The following PARD3B variants were observed in gnomAD, a reference collection of about 807,000 sequenced individuals.
PARD3B encodes the protein par-3 family cell polarity regulator beta.
Under a neutral mutation model 130.2 loss-of-function variants are expected in PARD3B, and 103 were observed. The ratio of observed to expected loss-of-function variants is 0.79; its 90% CI spans 0.67 to 0.93. PARD3B has a LOEUF of 0.93. Among genes scored for constraint, PARD3B ranks in the 40% least tolerant of loss-of-function variants. The probability of loss-of-function intolerance (pLI) is 0.00; values close to 1 mark genes in which losing one functional copy is unlikely to be tolerated. For synonymous variants in PARD3B, 583 were observed against 553.2 expected (o/e 1.05, Z -0.76); for missense variants, 1,609 against 1,499.2 (o/e 1.07, Z -1.21).
At chr2:205,489,776 C>T (rs866882729) in intron 20 of PARD3B, among the ~76,000 whole-genome samples, 3 of 152,128 alleles carry the variant, frequency 2.0e-5, no homozygotes, top group South Asian at 2.1e-4. Context: ...TAAATAATAA[C>T]TGGCATGTTG....
chr2:205,608,161 T>C (rs2055085695), intron 22 of PARD3B, among the ~76,000 whole-genome samples: 1 of 152,096 alleles, frequency 6.6e-6, no homozygotes, highest in Non-Finnish European at 1.5e-5. Flanking sequence ...GCCCCTAGAG[T>C]GTTCTGTCTC....
At chr2:204,756,247 T>G (rs569794176) in intron 2 of PARD3B, among the ~76,000 whole-genome samples, 37 of 152,282 alleles carry the variant, frequency 2.4e-4, no homozygotes, top group South Asian at 1.0e-3. Context: ...GTAGATTGAC[T>G]CTTTTTTATA....
intron 2 of PARD3B, among the ~76,000 whole-genome samples, chr2:204,858,198 T>C (rs1301836627): frequency 1.3e-5 from 2 of 152,166 alleles, no homozygotes; most frequent in African/African-American, 4.8e-5. Flanking sequence ...ACTATCATAT[T>C]AACCTTAGTT....
chr2:204,951,178 C>T (rs1288415773), intron 2 of PARD3B, among the ~76,000 whole-genome samples: 1 of 152,174 alleles, frequency 6.6e-6, no homozygotes, highest in Non-Finnish European at 1.5e-5. Flanking sequence ...GTTTAATCCT[C>T]TACTGTCATC....
chr2:205,369,011 T>G (rs2044713971), intron 18 of PARD3B, among the ~76,000 whole-genome samples: 1 of 152,172 alleles, frequency 6.6e-6, no homozygotes, highest in African/African-American at 2.4e-5. Flanking sequence ...CTCTAAAATG[T>G]AAGTTCCTGT....
At chr2:204,559,168 C>T (rs1175245730) in intron 1 of PARD3B, among the ~76,000 whole-genome samples, 1 of 152,176 alleles carries the variant, frequency 6.6e-6, no homozygotes, top group Non-Finnish European at 1.5e-5. Flanking sequence ...AAAGCAATGG[C>T]AACACAAGCC....
intron 18 of PARD3B, among the ~76,000 whole-genome samples, chr2:205,337,464 T>C (rs1423417646): frequency 1.3e-5 from 2 of 152,212 alleles, no homozygotes; most frequent in African/African-American, 4.8e-5. Flanking sequence ...GGCAACTGTT[T>C]TCATTGACTG....
At chr2:204,953,063 TATAG>T (rs1385792030) in intron 2 of PARD3B, among the ~76,000 whole-genome samples, 20 of 132,140 alleles carry the variant, frequency 1.5e-4, no homozygotes, top group East Asian at 1.0e-3. Flanking sequence ...TACGTATATA[TATAG>T]AGAGAGAGGG....
intron 19 of PARD3B, among the ~76,000 whole-genome samples, chr2:205,417,459 T>A (rs538320371): frequency 1.3e-5 from 2 of 152,318 alleles, no homozygotes; most frequent in South Asian, 4.1e-4. Flanking sequence ...ATGGGATGGC[T>A]GGGTCAAATG....
At chr2:205,356,036 A>C (rs1244039838) in intron 18 of PARD3B, among the ~76,000 whole-genome samples, 1 of 152,118 alleles carries the variant, frequency 6.6e-6, no homozygotes, top group Non-Finnish European at 1.5e-5. Context: ...GGGGACACAA[A>C]ACCTAACCAT....
chr2:204,602,270 T>C (rs2033542285), intron 1 of PARD3B, among the ~76,000 whole-genome samples: 1 of 152,030 alleles, frequency 6.6e-6, no homozygotes, highest in African/African-American at 2.4e-5. Context: ...ATTGTTGCTT[T>C]CCAAGGAACT....
intron 2 of PARD3B, among the ~76,000 whole-genome samples, chr2:204,811,047 G>A (rs186400832): frequency 1.1e-4 from 16 of 152,072 alleles, no homozygotes; most frequent in Middle Eastern, 3.2e-3. Context: ...GGAAGAGTGT[G>A]TGTGTCCAGG....
chr2:205,140,750 CATT>C (rs1418210665), intron 10 of PARD3B, among the ~76,000 whole-genome samples: 1 of 152,050 alleles, frequency 6.6e-6, no homozygotes, highest in African/African-American at 2.4e-5. Context: ...AATTATAACA[CATT>C]AGTAAATGAT....
At chr2:205,195,892 A>T (rs2036656734) in intron 15 of PARD3B, among the ~76,000 whole-genome samples, 1 of 152,100 alleles carries the variant, frequency 6.6e-6, no homozygotes, top group Non-Finnish European at 1.5e-5. Context: ...CACTTTATAA[A>T]GTCTGTAGGA....
At chr2:204,830,640 A>G (rs1007207621) in intron 2 of PARD3B, among the ~76,000 whole-genome samples, 3 of 152,226 alleles carry the variant, frequency 2.0e-5, no homozygotes, top group African/African-American at 7.2e-5. Flanking sequence ...GACCAAGCAG[A>G]CCAAGTTTGT....
intron 15 of PARD3B, among the ~76,000 whole-genome samples, chr2:205,227,877 A>G (rs1273206988): frequency 2.0e-5 from 3 of 152,068 alleles, no homozygotes; most frequent in African/African-American, 4.8e-5. Context: ...TGAGGTTACC[A>G]TGAGGCTTCC....
rs1013886777 is a variant in PARD3B at position 205,590,115 on chromosome 2, T to TAAAC, written c.3261-25339_3261-25336dup. On this transcript the variant is annotated intron_variant, in intron 22 of 22. Transcript: ENST00000406610. The surrounding 1 kb of genome is among the most constrained non-coding windows in gnomAD (Gnocchi z 4.1). ...CATGAATGTACACATGGACAATAGGTAAACATTATTGTTCTCTCTACATAT... is the reference window on the plus strand; with the variant it reads ...CATGAATGTACACATGGACAATAGGTAAACAAACATTATTGTTCTCTCTACATAT... 2.6e-5 allele frequency among the ~76,000 whole-genome samples: 4 copies of TAAAC among 152,198 alleles called. No homozygotes were observed. The highest frequency in any genetic ancestry group is 9.7e-5 in the African/African-American group (4 of 41,442).
chr2:205,217,717 T>C (rs574401120), intron 15 of PARD3B, among the ~76,000 whole-genome samples: 6 of 150,710 alleles, frequency 4.0e-5, no homozygotes, highest in African/African-American at 1.2e-4. Context: ...CATATATATA[T>C]ACACACATAC....
At chr2:204,699,168 A>T (rs1366294090) in intron 2 of PARD3B, among the ~76,000 whole-genome samples, 1 of 152,076 alleles carries the variant, frequency 6.6e-6, no homozygotes, top group Non-Finnish European at 1.5e-5. Flanking sequence ...CAAGTTATAA[A>T]GAAGTGTCTA....
Sources: gnomAD v4.1 joint callset for allele counts (sites outside exome capture counted in the v4.1 genomes callset) on GRCh38, gnomAD v4.1.1 for gene constraint, Gnocchi (gnomAD v3.1) non-coding constraint, MANE v1.5 for transcripts, NCBI Gene and HGNC (gene_info 2026-07-23, HGNC 2026-07-21) for gene names.